Variants in MGAM observed in about 807,000 individuals in gnomAD.
MGAM encodes the protein maltase-glucoamylase.
MGAM carries 253 observed loss-of-function variants against 358.8 expected under a neutral mutation model. The ratio of observed to expected loss-of-function variants is 0.71; its 90% CI spans 0.64 to 0.78. The LOEUF (loss-of-function observed/expected upper bound fraction) is 0.78. MGAM is among the 30% of genes least tolerant of loss of function. MGAM has a pLI of 0.00. For synonymous variants in MGAM, 1,105 were observed against 1,227.1 expected (o/e 0.90, Z 2.08); for missense variants, 3,080 against 3,432.6 (o/e 0.90, Z 2.57).
intron 21 of MGAM, among the ~76,000 whole-genome samples, chr7:142,043,119 TA>T (rs1809274184): frequency 4.8e-5 from 1 of 20,880 alleles, no homozygotes; most frequent in Non-Finnish European, 7.3e-5. Flanking sequence ...TATCTAAATA[TA>T]ATATATATAT....
At chr7:142,044,378 ATAT>A (rs1435416847) in intron 21 of MGAM, among the ~76,000 whole-genome samples, 3 of 124,026 alleles carry the variant, frequency 2.4e-5, no homozygotes, top group Non-Finnish European at 3.5e-5. Flanking sequence ...TATATAATGA[ATAT>A]TATATACACA....
chr7:142,029,625 T>C (rs1807281370), intron 10 of MGAM, among the ~76,000 whole-genome samples: 1 of 152,190 alleles, frequency 6.6e-6, no homozygotes, highest in African/African-American at 2.4e-5. Context: ...TCAGTATACA[T>C]GTCAAAATCT....
In MGAM at chr7:142,076,694, C is replaced by T. The variant is rs1813775354; in HGVS notation, c.5361C>T (p.Tyr1787=). Reference sequence around the variant, plus strand: ...AGGTGACTATTTCACAATCAACCTACAAGGACCCCAATAATTTAGCATTCA... The same window carrying T: ...AGGTGACTATTTCACAATCAACCTATAAGGACCCCAATAATTTAGCATTCA... ...HLEVTISQST[Y]KDPNNLAFNE... Residue 1787 remains tyrosine, a synonymous_variant, in exon 47 of 71, where the codon TAC becomes TAT. Transcript: ENST00000475668. 6.4e-7 allele frequency: 1 copy of T among 1,551,120 alleles called. No homozygotes were observed. Among genetic ancestry groups the T allele is most frequent in the African/African-American group, 1.3e-5 (1 of 74,516 alleles).
chr7:142,008,938 T>C (rs1366258924), intron 3 of MGAM, among the ~76,000 whole-genome samples: 1 of 152,114 alleles, frequency 6.6e-6, no homozygotes, highest in Non-Finnish European at 1.5e-5. Flanking sequence ...CAAATAAAAG[T>C]GCGGTTGCCC....
At chr7:142,061,536 T>A (rs1187370696) in intron 34 of MGAM, among the ~76,000 whole-genome samples, 1 of 152,142 alleles carries the variant, frequency 6.6e-6, no homozygotes. Context: ...TTTCTGCCCT[T>A]TTTCTAGACA....
rs1036915209 is a variant in MGAM at position 142,010,414 on chromosome 7, A to G, written c.327+1709A>G. 2.0e-5 allele frequency among the ~76,000 whole-genome samples: 3 copies of G among 152,062 alleles called. No individual in the cohort carries two copies. In the East Asian group the frequency reaches 5.8e-4, roughly 29 times the overall value. On this transcript the variant is annotated intron_variant, in intron 3 of 70. Coordinates refer to ENST00000475668, the MANE Select transcript of MGAM (RefSeq NM_001365693.1). ...CTGCTAGTAGTTCTATTAAGCTTCT[A>G]GTTCTTGAGACAGAAACAGCAGAAC... is the stretch of plus-strand genomic sequence containing the variant.
Position 142,068,691 on chromosome 7 carries a change from C to T in MGAM, c.5049C>T (p.Tyr1683=), listed in dbSNP as rs764383464. The T allele has an allele frequency of 3.7e-4, 568 of 1,528,508 alleles. 91 individuals are homozygous for T. Among genetic ancestry groups the T allele is most frequent in the African/African-American group, 3.6e-4 (27 of 74,382 alleles). 94.7% of individuals were successfully genotyped at this position (1,528,508 alleles called of 1,614,324 possible). Residue 1683 remains tyrosine, a synonymous_variant, in exon 43 of 71, where the codon TAC becomes TAT. Transcript: ENST00000475668. ...CATATTTCCCTAGAGCCCGTTGGTA[C>T]GATTACTACACGGTAAGTTTTTCTG... The part of the protein sequence containing the change: ...VTAYFPRARW[Y]DYYTGVDINA...
intron 44 of MGAM, among the ~76,000 whole-genome samples, chr7:142,071,399 C>T (rs1813338200): frequency 6.8e-6 from 1 of 146,608 alleles, no homozygotes; most frequent in African/African-American, 2.4e-5. Context: ...AGAGCAACCA[C>T]AATTCACAAG....
At chr7:142,016,261 ATCTC>A (rs1563114181) in intron 3 of MGAM, among the ~76,000 whole-genome samples, 1 of 152,150 alleles carries the variant, frequency 6.6e-6, no homozygotes, top group African/African-American at 2.4e-5. Flanking sequence ...GCTTGTCTCT[ATCTC>A]TGAATTCTAT....
chr7:142,074,161 G>A lies in MGAM; in HGVS notation c.5263G>A (p.Gly1755Arg), dbSNP rs758303816. The part of the protein sequence containing the change: ...EAKGELFWDD[G>R]QTKDTVAKKV... Reference sequence around the variant, plus strand: ...AAAAGGAGAACTTTTCTGGGATGATGGGCAAACAAAGGGTGAGCGCTGTTA... The same window carrying A: ...AAAAGGAGAACTTTTCTGGGATGATAGGCAAACAAAGGGTGAGCGCTGTTA... The change falls in exon 45 of 71, where the codon GGG (glycine) becomes AGG (arginine). Residue 1755 changes from glycine (G) to arginine (R), a missense_variant. Around this residue, in one of 5 missense-constraint regions of MGAM, gnomAD observed 932 missense variants for 1,198.2 expected, o/e 0.78. Coordinates refer to ENST00000475668, the MANE Select transcript of MGAM (RefSeq NM_001365693.1). 32 of 1,535,992 alleles carry A rather than the reference G, an allele frequency of 2.1e-5. 5 individuals are homozygous for A. The South Asian group carries it at 3.6e-4, about 17-fold the overall frequency.
Position 142,040,262 on chromosome 7 carries a change from A to G in MGAM, c.2373+91A>G. On this transcript the variant is annotated intron_variant, in intron 20 of 70. Transcript: ENST00000475668. ...TTTCTGGAGAGAGAAACATCCATCT[A>G]CATGCTGAGGAGTAGTTTTTAGTGT... 7.7e-6 allele frequency: 8 copies of G among 1,041,062 alleles called. No homozygotes were observed. In the South Asian group the frequency reaches 9.7e-5, roughly 13 times the overall value. The allele number at this position is 1,041,062 out of a possible 1,614,324, so 64.5% of individuals were successfully genotyped here.
At chr7:142,055,932 T>A (rs1811479049) in intron 28 of MGAM, 68 bp from the exon 29 acceptor site, 2 of 1,507,144 alleles carry the variant, frequency 1.3e-6, no homozygotes, top group Non-Finnish European at 1.8e-6. Flanking sequence ...CAAGCACATT[T>A]TTGTTGAGTT....
intron 62 of MGAM, 39 bp downstream of exon 62, chr7:142,094,693 G>A (rs754736641): frequency 1.9e-6 from 3 of 1,612,664 alleles, no homozygotes; most frequent in Middle Eastern, 1.8e-4. Flanking sequence ...CCAAGAAGGT[G>A]GGGACATCTT....
Position 142,020,981 on chromosome 7 carries a change from A to G in MGAM, c.456A>G (p.Thr152=). 1 of 1,611,448 alleles carries G rather than the reference A, an allele frequency of 6.2e-7. No individual in the cohort carries two copies. The change falls in exon 5 of 71, where the codon ACA becomes ACG. Residue 152 remains threonine (T), a synonymous_variant. Transcript: ENST00000475668. The part of the protein sequence containing the change: ...GNLVNTNAGF[T]ARLKNLPSSP... ...TTTTTTCTCCTATGTTAGGATTCAC[A>G]GCCCGGTTGAAAAATCTGCCTTCTT... is the stretch of plus-strand genomic sequence containing the variant.
intron 26 of MGAM, among the ~76,000 whole-genome samples, chr7:142,053,757 G>C (rs1811240050): frequency 6.6e-6 from 1 of 152,150 alleles, no homozygotes; most frequent in South Asian, 2.1e-4. Context: ...CACATTGCCT[G>C]AAAGGTTCTT....
At chr7:142,081,693 G>A (rs994855068) in intron 50 of MGAM, among the ~76,000 whole-genome samples, 1 of 145,662 alleles carries the variant, frequency 6.9e-6, no homozygotes, top group African/African-American at 2.4e-5. Flanking sequence ...TGAGATCCTC[G>A]TAGGAATATC....
At chr7:142,052,657 T>G in intron 25 of MGAM, 127 bp from the exon 26 acceptor site, 1 of 1,353,978 alleles carries the variant, frequency 7.4e-7, no homozygotes, top group East Asian at 2.3e-5. Flanking sequence ...AAATTTATGT[T>G]ATTGCCAAGT....
chr7:142,003,701 G>A (rs1804919836), intron 1 of MGAM, among the ~76,000 whole-genome samples: 1 of 151,462 alleles, frequency 6.6e-6, no homozygotes, highest in African/African-American at 2.4e-5. Context: ...AGACAAAAGG[G>A]GACTTAATTA....
chr7:142,078,704 G>T, intron 48 of MGAM, 104 bp from the exon 49 acceptor site: 1 of 1,206,148 alleles, frequency 8.3e-7, no homozygotes, highest in Non-Finnish European at 1.2e-6. Context: ...TAAGTGATAG[G>T]CTGGTTTTAT....
Sources: allele counts gnomAD v4.1 joint callset (sites outside exome capture counted in the v4.1 genomes callset), GRCh38; gene constraint gnomAD v4.1.1; regional missense constraint gnomAD v4.1.1; transcripts MANE v1.5; gene names NCBI Gene and HGNC (gene_info 2026-07-23, HGNC 2026-07-21).